The following GRID2 variants were observed in gnomAD, a reference collection of about 807,000 sequenced individuals.
The protein encoded by GRID2 is glutamate receptor ionotropic, delta-2.
In GRID2, 33 loss-of-function variants were observed where a neutral mutation model predicts 114.8. The observed-to-expected ratio is 0.29, with a 90% CI of 0.22 to 0.38. The LOEUF (loss-of-function observed/expected upper bound fraction) is 0.38. GRID2 is among the 10% of genes least tolerant of loss of function. The pLI is 1.00. For missense variants in GRID2, 1,184 were observed against 1,257.7 expected (o/e 0.94, Z 0.89); for synonymous variants, 505 against 449.9 (o/e 1.12, Z -1.55).
chr4:92,878,766 T>G (rs1438327265), intron 2 of GRID2, among the ~76,000 whole-genome samples: 1 of 152,098 alleles, frequency 6.6e-6, no homozygotes, highest in Admixed American at 6.6e-5. Context: ...AGCTCAAAGT[T>G]TATCATTTAG....
intron 2 of GRID2, among the ~76,000 whole-genome samples, chr4:93,024,619 A>C (rs2149250193): frequency 6.6e-6 from 1 of 151,924 alleles, no homozygotes; most frequent in South Asian, 2.1e-4. Flanking sequence ...AGGTTACATT[A>C]GTTCTACAGT....
chr4:93,765,372 A>G (rs1733561861), intron 14 of GRID2, among the ~76,000 whole-genome samples: 1 of 152,014 alleles, frequency 6.6e-6, no homozygotes, highest in Admixed American at 6.6e-5. Flanking sequence ...TACATCCCCA[A>G]AGATGAAATC....
At chr4:92,779,407 T>C (rs113585871) in intron 2 of GRID2, among the ~76,000 whole-genome samples, 3 of 152,246 alleles carry the variant, frequency 2.0e-5, no homozygotes, top group African/African-American at 7.2e-5. Flanking sequence ...GATTTTCTCA[T>C]TACTTTCTTT....
intron 11 of GRID2, among the ~76,000 whole-genome samples, chr4:93,458,336 C>A (rs1302756916): frequency 6.6e-6 from 1 of 152,128 alleles, no homozygotes; most frequent in African/African-American, 2.4e-5. Context: ...TTCAGCTAGA[C>A]AATTCAGAGG....
intron 5 of GRID2, among the ~76,000 whole-genome samples, chr4:93,216,271 CATGTGTGTGTGTGTATGTGTGCGTATGT>C (rs1331053088): frequency 6.6e-6 from 1 of 151,252 alleles, no homozygotes; most frequent in Admixed American, 6.6e-5. Context: ...TGTGTGTGTG[CATGTGTGTGTGTGTATGTGTGCGTATGT>C]ATGCATGCGT....
In GRID2 at chr4:93,051,261, G is replaced by A. The variant is rs143851610; in HGVS notation, c.245-33734G>A. On this transcript the variant is annotated intron_variant, in intron 2 of 15. Coordinates refer to ENST00000282020, the MANE Select transcript of GRID2 (RefSeq NM_001510.4). ...ATTGTAAATACCTTGGGGGAGAAAC[G>A]CATTACTGATTAAGAAGAAATAAAA... Among the ~76,000 whole-genome samples, 459 of 152,140 alleles carry A rather than the reference G, an allele frequency of 3.0e-3. 1 individual carries two copies. Among genetic ancestry groups the A allele is most frequent in the African/African-American group, 9.4e-3 (391 of 41,544 alleles).
At chr4:92,334,577 T>G (rs1727067199) in intron 1 of GRID2, among the ~76,000 whole-genome samples, 1 of 149,900 alleles carries the variant, frequency 6.7e-6, no homozygotes. Context: ...GCAAGAGGAG[T>G]CTCAACTCGT....
At chr4:92,392,906 A>G (rs1730316780) in intron 1 of GRID2, among the ~76,000 whole-genome samples, 1 of 152,092 alleles carries the variant, frequency 6.6e-6, no homozygotes, top group Non-Finnish European at 1.5e-5. Flanking sequence ...CGATATTATT[A>G]TATTAGGTTA....
intron 2 of GRID2, among the ~76,000 whole-genome samples, chr4:92,942,985 C>T (rs1478065042): frequency 6.6e-6 from 1 of 152,198 alleles, no homozygotes; most frequent in African/African-American, 2.4e-5. Flanking sequence ...CGACCTTTCT[C>T]TCTGGCTGCC....
chr4:93,346,117 A>C (rs995839533), intron 8 of GRID2, among the ~76,000 whole-genome samples: 1 of 152,076 alleles, frequency 6.6e-6, no homozygotes, highest in Non-Finnish European at 1.5e-5. Context: ...TGCTTTGACT[A>C]TTTGGGTATT....
intron 2 of GRID2, among the ~76,000 whole-genome samples, chr4:92,646,724 A>G (rs1423488742): frequency 6.6e-6 from 1 of 152,246 alleles, no homozygotes; most frequent in Non-Finnish European, 1.5e-5. Flanking sequence ...TGTCTATTCA[A>G]TATCTTCATG....
At chr4:93,711,775 G>C (rs1001412025) in intron 14 of GRID2, among the ~76,000 whole-genome samples, 1 of 152,192 alleles carries the variant, frequency 6.6e-6, no homozygotes, top group Admixed American at 6.5e-5. Context: ...GGGCATGGGC[G>C]GGTGGTGGTG....
intron 14 of GRID2, among the ~76,000 whole-genome samples, chr4:93,655,328 T>C (rs1722908725): frequency 6.6e-6 from 1 of 152,230 alleles, no homozygotes; most frequent in African/African-American, 2.4e-5. Context: ...GTGTTGCTCT[T>C]GTCTTTGGGG....
At chr4:93,126,637 A>T (rs6833623) in intron 4 of GRID2, among the ~76,000 whole-genome samples, 1 of 124,852 alleles carries the variant, frequency 8.0e-6, no homozygotes, top group Non-Finnish European at 1.6e-5. Flanking sequence ...TCGCTCTGTC[A>T]CCCAGGCTGG....
chr4:92,928,850 C>T (rs1201567402), intron 2 of GRID2, among the ~76,000 whole-genome samples: 1 of 151,366 alleles, frequency 6.6e-6, no homozygotes. Flanking sequence ...ATTCACAGAG[C>T]AAAATATTCA....
intron 1 of GRID2, among the ~76,000 whole-genome samples, chr4:92,429,385 AT>A (rs1386777366): frequency 6.6e-6 from 1 of 152,138 alleles, no homozygotes; most frequent in Non-Finnish European, 1.5e-5. Flanking sequence ...ACTTAATGTA[AT>A]GTCCTTTCAT....
intron 2 of GRID2, among the ~76,000 whole-genome samples, chr4:92,946,294 G>T (rs1751626967): frequency 6.6e-6 from 1 of 151,880 alleles, no homozygotes; most frequent in Non-Finnish European, 1.5e-5. Flanking sequence ...TATATTTTGT[G>T]CTTATTTGAC....
chr4:93,141,885 A>G (rs1452115605), intron 4 of GRID2, among the ~76,000 whole-genome samples: 2 of 152,230 alleles, frequency 1.3e-5, no homozygotes, highest in African/African-American at 4.8e-5. Context: ...ACTTTCCTAC[A>G]CATAACAAGG....
At chr4:92,696,126 T>A (rs1734414079) in intron 2 of GRID2, among the ~76,000 whole-genome samples, 1 of 152,132 alleles carries the variant, frequency 6.6e-6, no homozygotes, top group Non-Finnish European at 1.5e-5. Context: ...AGTGGATTTC[T>A]TTCCGTCTTT....
Sources: allele counts gnomAD v4.1 joint callset (sites outside exome capture counted in the v4.1 genomes callset), GRCh38; gene constraint gnomAD v4.1.1; transcripts MANE v1.5; gene names NCBI Gene and HGNC (gene_info 2026-07-23, HGNC 2026-07-21).